Variants in NUBPL observed in about 807,000 individuals in gnomAD.
The protein encoded by NUBPL is iron-sulfur cluster transfer protein NUBPL.
A neutral mutation model predicts 45.7 loss-of-function variants in NUBPL; 31 were observed. The ratio of observed to expected loss-of-function variants is 0.68; its 90% CI spans 0.51 to 0.92. The LOEUF is 0.92. Among genes scored for constraint, NUBPL ranks in the 40% least tolerant of loss-of-function variants. The pLI is 0.00. For missense variants in NUBPL, 401 were observed against 398.7 expected (o/e 1.01, Z -0.05); for synonymous variants, 144 against 140.9 (o/e 1.02, Z -0.15).
chr14:31,767,176 C>G (rs2038929157), intron 6 of NUBPL, among the ~76,000 whole-genome samples: 1 of 152,114 alleles, frequency 6.6e-6, no homozygotes, highest in Non-Finnish European at 1.5e-5. Context: ...CCAGGACAAA[C>G]AGCTGCTATT....
intron 3 of NUBPL, among the ~76,000 whole-genome samples, chr14:31,572,625 G>A (rs1186375517): frequency 1.3e-5 from 2 of 152,146 alleles, no homozygotes; most frequent in African/African-American, 4.8e-5. Flanking sequence ...AAGTGGTATG[G>A]GATGGAGGTG....
intron 4 of NUBPL, among the ~76,000 whole-genome samples, chr14:31,651,592 C>G (rs1173275418): frequency 6.6e-6 from 1 of 151,974 alleles, no homozygotes; most frequent in Admixed American, 6.6e-5. Context: ...AGCAAGAAAA[C>G]AAATAACTGT....
intron 3 of NUBPL, among the ~76,000 whole-genome samples, chr14:31,574,267 A>AT (rs2033661300): frequency 6.6e-6 from 1 of 151,070 alleles, no homozygotes. Flanking sequence ...ACTCAAAAAA[A>AT]ATTTTTTTTT....
intron 6 of NUBPL, chr14:31,771,781 C>T: frequency 1.6e-6 from 1 of 644,556 alleles, no homozygotes; most frequent in Non-Finnish European, 1.9e-6. Flanking sequence ...CTTGTGCTCT[C>T]CTTTACCTAT....
At chr14:31,817,347 G>A (rs1333378547) in intron 7 of NUBPL, among the ~76,000 whole-genome samples, 1 of 152,062 alleles carries the variant, frequency 6.6e-6, no homozygotes, top group Non-Finnish European at 1.5e-5. Context: ...GATACCCCTT[G>A]AGAAGAGCAA....
intron 4 of NUBPL, among the ~76,000 whole-genome samples, chr14:31,662,445 C>G (rs936846808): frequency 6.6e-6 from 1 of 151,940 alleles, no homozygotes; most frequent in Non-Finnish European, 1.5e-5. Context: ...TTTAGGTTAT[C>G]TATCCTAATG....
At chr14:31,708,561 G>A (rs894044910) in intron 6 of NUBPL, among the ~76,000 whole-genome samples, 17 of 152,208 alleles carry the variant, frequency 1.1e-4, no homozygotes, top group Non-Finnish European at 2.4e-4. Context: ...TCCCAATTAC[G>A]ACTGAGGAGT....
chr14:31,621,237 C>T (rs1043416048), intron 4 of NUBPL, among the ~76,000 whole-genome samples: 5 of 152,174 alleles, frequency 3.3e-5, no homozygotes, highest in Non-Finnish European at 7.3e-5. Flanking sequence ...TGGGACTTGC[C>T]GAGCCAGACC....
chr14:31,859,224 G>A lies in NUBPL; in HGVS notation c.*44G>A. 1 of 1,476,762 alleles carries A rather than the reference G, an allele frequency of 6.8e-7. No homozygotes were observed. Among genetic ancestry groups the A allele is most frequent in the Non-Finnish European group, 9.5e-7 (1 of 1,055,396 alleles). 91.5% of individuals were successfully genotyped at this position (1,476,762 alleles called of 1,614,324 possible). A position where few individuals can be genotyped will look rare whatever the true frequency, so the allele number is the denominator to read the frequency against. ...AATTTGCCTGGTACTGACATTAAGA[G>A]GACCTTTGGAAATCAGCAATGTGGT... On this transcript the variant is annotated 3_prime_UTR_variant, in exon 11 of 11. Transcript: ENST00000281081.
intron 8 of NUBPL, among the ~76,000 whole-genome samples, chr14:31,842,846 G>T (rs563064844): frequency 6.6e-6 from 1 of 152,032 alleles, no homozygotes; most frequent in East Asian, 1.9e-4. Context: ...TGTATATGTA[G>T]TATACATATA....
intron 9 of NUBPL, among the ~76,000 whole-genome samples, chr14:31,849,256 G>A (rs748214065): frequency 3.9e-5 from 6 of 152,100 alleles, no homozygotes; most frequent in African/African-American, 7.2e-5. Flanking sequence ...CCACATACAC[G>A]TATGTTTTAA....
At chr14:31,612,703 C>T (rs1314642270) in intron 4 of NUBPL, among the ~76,000 whole-genome samples, 1 of 151,832 alleles carries the variant, frequency 6.6e-6, no homozygotes, top group Non-Finnish European at 1.5e-5. Flanking sequence ...AAAAGGTGCT[C>T]AACATTACTG....
At chr14:31,693,499 TATTAA>T (rs897802598) in intron 6 of NUBPL, among the ~76,000 whole-genome samples, 2 of 152,174 alleles carry the variant, frequency 1.3e-5, no homozygotes, top group African/African-American at 4.8e-5. Context: ...AGAGATAAAA[TATTAA>T]ATTATGTTCT....
chr14:31,623,088 T>C (rs761355969), intron 4 of NUBPL, among the ~76,000 whole-genome samples: 73 of 152,214 alleles, frequency 4.8e-4, no homozygotes, highest in Non-Finnish European at 7.3e-4. Context: ...CATCAGCATG[T>C]CCTGGATGTG....
At chr14:31,706,986 TG>T (rs1403263850) in intron 6 of NUBPL, among the ~76,000 whole-genome samples, 1 of 152,228 alleles carries the variant, frequency 6.6e-6, no homozygotes, top group African/African-American at 2.4e-5. Context: ...CTCACACGTT[TG>T]AGGAGACCAA....
chr14:31,856,551 C>G (rs930233336), intron 10 of NUBPL, among the ~76,000 whole-genome samples: 1 of 152,178 alleles, frequency 6.6e-6, no homozygotes, highest in East Asian at 1.9e-4. Flanking sequence ...TGAGACAAGG[C>G]AAGTCCCTTC....
chr14:31,563,786 T>G (rs1245352773), intron 2 of NUBPL, among the ~76,000 whole-genome samples: 1 of 152,220 alleles, frequency 6.6e-6, no homozygotes, highest in Non-Finnish European at 1.5e-5. Flanking sequence ...CTCTGAAAGT[T>G]TCTGCCTTAA....
chr14:31,753,494 G>A (rs998719685), intron 6 of NUBPL, among the ~76,000 whole-genome samples: 2 of 152,096 alleles, frequency 1.3e-5, no homozygotes, highest in South Asian at 4.2e-4. Context: ...TGTCCCATGG[G>A]TCTAGCTGAA....
Position 31,743,843 on chromosome 14 carries a change from A to G in NUBPL, c.514-43937A>G, listed in dbSNP as rs1170585757. Among the ~76,000 whole-genome samples, 52 of 152,172 alleles carry G rather than the reference A, an allele frequency of 3.4e-4. 1 individual carries two copies. Among genetic ancestry groups the G allele is most frequent in the African/African-American group, 1.2e-4 (5 of 41,442 alleles). On this transcript the variant is annotated intron_variant, in intron 6 of 10. Coordinates refer to ENST00000281081, the MANE Select transcript of NUBPL (RefSeq NM_025152.3). ...TGTGAGTGCCCATGTAGAAATAAGG[A>G]CGAAGTATTCTGGAAAATAGAAAAT...
Sources: gnomAD v4.1 joint callset for allele counts (sites outside exome capture counted in the v4.1 genomes callset) on GRCh38, gnomAD v4.1.1 for gene constraint, MANE v1.5 for transcripts, NCBI Gene and HGNC (gene_info 2026-07-23, HGNC 2026-07-21) for gene names.